Variants in RNF128 observed in about 807,000 individuals in gnomAD.
The protein encoded by RNF128 is E3 ubiquitin-protein ligase RNF128.
In RNF128, 13 loss-of-function variants were observed where a neutral mutation model predicts 26.2. That is an observed-to-expected ratio of 0.50 (90% CI 0.32 to 0.79). The LOEUF is 0.79. RNF128 is among the 30% of genes least tolerant of loss of function. RNF128 has a pLI of 0.03. For missense variants in RNF128, 315 were observed against 349.7 expected, an observed-to-expected ratio of 0.90 and a Z score of 0.79; for synonymous variants, 149 against 142.5, an observed-to-expected ratio of 1.05 and a Z score of -0.32.
chrX:106,758,912 A>T (rs1930072223), intron 1 of RNF128, among the ~76,000 whole-genome samples: 1 of 111,679 alleles, frequency 9.0e-6, no homozygotes, highest in Non-Finnish European at 1.9e-5. Context: ...AAGTACAGGT[A>T]ACCAAAGCAA....
intron 1 of RNF128, among the ~76,000 whole-genome samples, chrX:106,744,891 G>T (rs1381965002): frequency 8.9e-6 from 1 of 111,932 alleles, no homozygotes; most frequent in Non-Finnish European, 1.9e-5. Flanking sequence ...GGGGTCCTGA[G>T]ACCAAAAAAT....
At chrX:106,755,533 A>G (rs755145929) in intron 1 of RNF128, among the ~76,000 whole-genome samples, 9 of 111,448 alleles carry the variant, frequency 8.1e-5, no homozygotes, top group Non-Finnish European at 1.5e-4. Context: ...TTAACAAACC[A>G]AATTCAGCAA....
intron 1 of RNF128, among the ~76,000 whole-genome samples, chrX:106,697,274 T>A (rs1172730325): frequency 8.9e-6 from 1 of 111,908 alleles, no homozygotes; most frequent in Non-Finnish European, 1.9e-5. Context: ...GAGAAATATT[T>A]GGTAGTTTTT....
upstream of RNF128, among the ~76,000 whole-genome samples, chrX:106,723,183 A>G (rs908618376): frequency 8.9e-6 from 1 of 112,029 alleles, no homozygotes; most frequent in Non-Finnish European, 1.9e-5. Flanking sequence ...CCATACACCC[A>G]CCATCTAGAT....
Position 106,790,970 on chromosome X carries a change from G to C in RNF128, c.985-96G>C, listed in dbSNP as rs982241579. On this transcript the variant is annotated intron_variant, in intron 5 of 6. Coordinates refer to ENST00000255499, the MANE Select transcript of RNF128 (RefSeq NM_194463.2). ...TAGGTTTAAAAGGTTAAGAAATATTGCTCCAATGAGTCACCTATAAAGAAA... is the reference window on the plus strand; with the variant it reads ...TAGGTTTAAAAGGTTAAGAAATATTCCTCCAATGAGTCACCTATAAAGAAA... 20 of 729,347 alleles carry C rather than the reference G, an allele frequency of 2.7e-5. No individual in the cohort carries two copies. In the East Asian group the frequency reaches 6.5e-4, roughly 24 times the overall value. The allele number at this position is 729,347 out of a possible 1,213,427, so 60.1% of individuals were successfully genotyped here. A position where few individuals can be genotyped will look rare whatever the true frequency, so the allele number is the denominator to read the frequency against.
intron 1 of RNF128, among the ~76,000 whole-genome samples, chrX:106,763,879 C>A (rs777039019): frequency 1.5e-4 from 17 of 111,697 alleles, no homozygotes; most frequent in Non-Finnish European, 3.0e-4. Flanking sequence ...TGAAGCACAG[C>A]ATTGTTGCTA....
intron 1 of RNF128, among the ~76,000 whole-genome samples, chrX:106,718,608 C>G (rs757772512): frequency 2.4e-4 from 26 of 109,755 alleles, no homozygotes; most frequent in African/African-American, 8.3e-4. Context: ...TTCAATGCAT[C>G]TGGGCTTTTT....
intron 1 of RNF128, among the ~76,000 whole-genome samples, chrX:106,758,021 C>T (rs1397256543): frequency 8.9e-6 from 1 of 112,233 alleles, no homozygotes; most frequent in Non-Finnish European, 1.9e-5. Context: ...ATAATATGAT[C>T]TTATAGTTTG....
intron 1 of RNF128, among the ~76,000 whole-genome samples, chrX:106,733,104 A>G (rs773295020): frequency 2.6e-4 from 29 of 111,123 alleles, no homozygotes; most frequent in Non-Finnish European, 5.1e-4. Context: ...TAGCATTTAC[A>G]TCATATTAGG....
chrX:106,785,192 G>C (rs969025809), intron 3 of RNF128, 56 bp downstream of exon 3: 14 of 910,015 alleles, frequency 1.5e-5, no homozygotes, highest in Middle Eastern at 2.9e-4. Flanking sequence ...CCAAGCCATT[G>C]TTCAGGCTAA....
At chrX:106,768,182 T>G (rs1421299378) in intron 1 of RNF128, among the ~76,000 whole-genome samples, 4 of 111,872 alleles carry the variant, frequency 3.6e-5, no homozygotes, top group African/African-American at 1.3e-4. Context: ...TTTTCTTTTT[T>G]TATTTTCTCT....
chrX:106,759,986 C>T (rs1930091656), intron 1 of RNF128, among the ~76,000 whole-genome samples: 1 of 111,157 alleles, frequency 9.0e-6, no homozygotes, highest in Admixed American at 9.6e-5. Context: ...GTGATGGATA[C>T]CCCATTTACC....
At chrX:106,757,835 A>T (rs930005395) in intron 1 of RNF128, among the ~76,000 whole-genome samples, 25 of 112,280 alleles carry the variant, frequency 2.2e-4, no homozygotes, top group African/African-American at 8.1e-4. Context: ...GCTCAGTATC[A>T]TATTGAATAG....
At chrX:106,760,364 C>T (rs1258937948) in intron 1 of RNF128, among the ~76,000 whole-genome samples, 1 of 111,220 alleles carries the variant, frequency 9.0e-6, no homozygotes, top group Non-Finnish European at 1.9e-5. Flanking sequence ...ATACAAATAG[C>T]CAACAGTTAC....
At chrX:106,767,977 TGGTTTTTATCTTTGGTTCTGTTTATATG>T (rs1930284656) in intron 1 of RNF128, among the ~76,000 whole-genome samples, 1 of 111,864 alleles carries the variant, frequency 8.9e-6, no homozygotes, top group African/African-American at 3.3e-5. Flanking sequence ...GATAATCATG[TGGTTTTTATCTTTGGTTCTGTTTATATG>T]ATGGATTACA....
chrX:106,717,792 T>C (rs760367343), intron 1 of RNF128, among the ~76,000 whole-genome samples: 1 of 112,413 alleles, frequency 8.9e-6, no homozygotes, highest in African/African-American at 3.2e-5. Context: ...AAAGATTAAG[T>C]GGGATTCGTC....
chrX:106,752,367 G>A (rs751867916), intron 1 of RNF128, among the ~76,000 whole-genome samples: 6 of 112,388 alleles, frequency 5.3e-5, no homozygotes, highest in Non-Finnish European at 1.1e-4. Context: ...CCTTTTGTTT[G>A]AGAGAAAGTA....
rs892857455 is a variant in RNF128, at chrX:106,795,786, A to C, written c.*73A>C. The C allele has an allele frequency of 1.2e-6, 1 of 853,870 alleles. No homozygotes were observed. Among genetic ancestry groups the C allele is most frequent in the Non-Finnish European group, 1.6e-6 (1 of 623,453 alleles). 70.4% of individuals were successfully genotyped at this position (853,870 alleles called of 1,213,427 possible). On this transcript the variant is annotated 3_prime_UTR_variant, in exon 7 of 7. Coordinates refer to ENST00000255499, the MANE Select transcript of RNF128 (RefSeq NM_194463.2). ...CAATCAGGGCCTAGTTTCTATTAATAAATTGGATAAATTTAATAAAATAAG... is the reference window on the plus strand; with the variant it reads ...CAATCAGGGCCTAGTTTCTATTAATCAATTGGATAAATTTAATAAAATAAG...
At chrX:106,753,988 G>T (rs932187846) in intron 1 of RNF128, among the ~76,000 whole-genome samples, 8 of 111,664 alleles carry the variant, frequency 7.2e-5, no homozygotes, top group African/African-American at 2.6e-4. Flanking sequence ...TATAGACCCT[G>T]ATATAATAAT....
Sources: allele counts gnomAD v4.1 joint callset (sites outside exome capture counted in the v4.1 genomes callset), GRCh38; gene constraint gnomAD v4.1.1; transcripts MANE v1.5; gene names NCBI Gene and HGNC (gene_info 2026-07-23, HGNC 2026-07-21).